PPP2R2B: variants seen among roughly 807,000 people sequenced by gnomAD.
PPP2R2B encodes the protein serine/threonine-protein phosphatase 2A 55 kDa regulatory subunit B beta isoform.
In PPP2R2B, 5 loss-of-function variants were observed where a neutral mutation model predicts 46.0. The observed-to-expected ratio is 0.11, with a 90% CI of 0.06 to 0.23. The LOEUF (loss-of-function observed/expected upper bound fraction) is 0.23. Ranked by LOEUF, PPP2R2B falls within the 10% of genes least tolerant of loss-of-function variation. The probability of loss-of-function intolerance (pLI) is 1.00; values close to 1 mark genes in which losing one functional copy is unlikely to be tolerated. For missense variants in PPP2R2B, 367 were observed against 575.0 expected (o/e 0.64, Z 3.70); for synonymous variants, 215 against 206.7 (o/e 1.04, Z -0.34).
At chr5:146,835,655 C>T (rs775981643) in intron 2 of PPP2R2B, among the ~76,000 whole-genome samples, 12 of 152,274 alleles carry the variant, frequency 7.9e-5, no homozygotes, top group Admixed American at 5.9e-4. Flanking sequence ...AGAAAGGTAG[C>T]CACAGTGCCT....
chr5:146,868,844 GA>G (rs1413645404), intron 2 of PPP2R2B, among the ~76,000 whole-genome samples: 3 of 152,206 alleles, frequency 2.0e-5, no homozygotes, highest in Non-Finnish European at 4.4e-5. Flanking sequence ...CCAAGTTTAA[GA>G]ATACAGGGTT....
chr5:146,900,975 T>G (rs1561505956), intron 1 of PPP2R2B, among the ~76,000 whole-genome samples: 1 of 152,226 alleles, frequency 6.6e-6, no homozygotes, highest in Non-Finnish European at 1.5e-5. Flanking sequence ...TTCCTTTTTA[T>G]GGCTGCATAG....
intron 2 of PPP2R2B, among the ~76,000 whole-genome samples, chr5:146,797,489 C>T (rs1756612291): frequency 6.6e-6 from 1 of 152,172 alleles, no homozygotes; most frequent in Admixed American, 6.5e-5. Flanking sequence ...GATGATAACA[C>T]CCATCTTTCT....
chr5:146,699,661 GTTTTT>G (rs11388336), intron 3 of PPP2R2B, among the ~76,000 whole-genome samples: 1 of 118,056 alleles, frequency 8.5e-6, no homozygotes, highest in South Asian at 3.0e-4. Flanking sequence ...AACTTAATTG[GTTTTT>G]TTTTTTTTTT....
intron 1 of PPP2R2B, among the ~76,000 whole-genome samples, chr5:147,023,345 A>G (rs1017671490): frequency 6.6e-6 from 1 of 152,206 alleles, no homozygotes; most frequent in Non-Finnish European, 1.5e-5. Flanking sequence ...TCAGAAAAAG[A>G]AGAAGCAAGG....
chr5:146,620,298 G>A (rs893576058), intron 7 of PPP2R2B, among the ~76,000 whole-genome samples: 3 of 152,300 alleles, frequency 2.0e-5, no homozygotes, highest in South Asian at 4.1e-4. Context: ...CATTAATTGT[G>A]GGTCTGTTTG....
chr5:146,676,882 G>A (rs1055024429), intron 5 of PPP2R2B, among the ~76,000 whole-genome samples: 2 of 152,180 alleles, frequency 1.3e-5, no homozygotes, highest in African/African-American at 4.8e-5. Context: ...TGGTTTGACC[G>A]TCAAGTAGTG....
At chr5:146,904,737 C>T (rs1210581215) in intron 1 of PPP2R2B, among the ~76,000 whole-genome samples, 1 of 152,112 alleles carries the variant, frequency 6.6e-6, no homozygotes, top group African/African-American at 2.4e-5. Flanking sequence ...CAGTTAAGAA[C>T]ACAGTGATGA....
At position 146,928,222 on chromosome 5, in the gene PPP2R2B, C is replaced by T. The variant is rs141189370; in HGVS notation, c.79+127443G>A. 3.5e-3 allele frequency among the ~76,000 whole-genome samples: 524 copies of T among 148,312 alleles called. 4 individuals are homozygous for T. Among genetic ancestry groups the T allele is most frequent in the Middle Eastern group, 0.017 (5 of 294 alleles). On this transcript the variant is annotated intron_variant, in intron 1 of 8. Transcript: ENST00000336640. ...GCACTTATTCCTTTGGTGATTTCAT[C>T]GATTTTCATGATTTTAAATCCCATC...
intron 1 of PPP2R2B, among the ~76,000 whole-genome samples, chr5:146,946,170 A>G (rs1561534572): frequency 6.6e-6 from 1 of 152,204 alleles, no homozygotes; most frequent in Admixed American, 6.6e-5. Context: ...AAAAGGACAT[A>G]CAATTAGCTA....
chr5:146,834,411 A>G (rs1759148454), intron 2 of PPP2R2B, among the ~76,000 whole-genome samples: 1 of 152,202 alleles, frequency 6.6e-6, no homozygotes, highest in African/African-American at 2.4e-5. Context: ...ACTCCTTTAC[A>G]CTGCCTTTCT....
intron 2 of PPP2R2B, among the ~76,000 whole-genome samples, chr5:146,852,761 G>A (rs552190873): frequency 1.3e-5 from 2 of 152,224 alleles, no homozygotes; most frequent in African/African-American, 2.4e-5. Context: ...TTCACAATAC[G>A]ATGGCTGATT....
chr5:146,903,985 A>G (rs530259832), intron 1 of PPP2R2B, among the ~76,000 whole-genome samples: 1 of 152,210 alleles, frequency 6.6e-6, no homozygotes, highest in African/African-American at 2.4e-5. Flanking sequence ...CATCTTCTAA[A>G]CATGCTCCGG....
intron 1 of PPP2R2B, among the ~76,000 whole-genome samples, chr5:147,051,914 C>G (rs542124109): frequency 5.3e-5 from 8 of 151,784 alleles, no homozygotes; most frequent in East Asian, 3.9e-4. Flanking sequence ...AGGGGCCCAC[C>G]ACCACACCCA....
rs189809065 is a variant in PPP2R2B, at chr5:147,028,542, T to C, written c.79+27123A>G. Among the ~76,000 whole-genome samples, 6 of 152,376 alleles carry C rather than the reference T, an allele frequency of 3.9e-5. No homozygotes were observed. In the East Asian group the frequency reaches 9.6e-4, roughly 24 times the overall value. On this transcript the variant is annotated intron_variant, in intron 1 of 8. Transcript: ENST00000336640. ...ACAGTATATTTTCATTCTTGTAAGC[T>C]GTCCTTTGTATAAATATCTCACAAT...
intron 2 of PPP2R2B, among the ~76,000 whole-genome samples, chr5:146,869,272 C>A (rs1302229771): frequency 1.3e-5 from 2 of 152,266 alleles, no homozygotes; most frequent in East Asian, 1.9e-4. Context: ...GAAATGGGAA[C>A]TGTCATCTCA....
At chr5:146,781,145 T>TG (rs1367227142) in intron 2 of PPP2R2B, among the ~76,000 whole-genome samples, 1 of 67,242 alleles carries the variant, frequency 1.5e-5, no homozygotes, top group African/African-American at 6.6e-5. Context: ...TATATATATA[T>TG]ATATATATAT....
intron 1 of PPP2R2B, among the ~76,000 whole-genome samples, chr5:146,967,200 C>G (rs960727412): frequency 6.6e-6 from 1 of 152,162 alleles, no homozygotes; most frequent in Non-Finnish European, 1.5e-5. Context: ...TTAATTCGGT[C>G]CTGGAAACCC....
chr5:146,624,010 A>G (rs1773876869), intron 7 of PPP2R2B, among the ~76,000 whole-genome samples: 1 of 152,194 alleles, frequency 6.6e-6, no homozygotes, highest in African/African-American at 2.4e-5. Context: ...CCCCTTCTCC[A>G]TCTTACAGGG....
Sources: gnomAD v4.1 joint callset for allele counts (sites outside exome capture counted in the v4.1 genomes callset) on GRCh38, gnomAD v4.1.1 for gene constraint, MANE v1.5 for transcripts, NCBI Gene and HGNC (gene_info 2026-07-23, HGNC 2026-07-21) for gene names.